Variants in MPND observed in about 807,000 individuals in gnomAD.
MPND encodes MPN domain-containing protein.
A neutral mutation model predicts 59.2 loss-of-function variants in MPND; 56 were observed. That is an observed-to-expected ratio of 0.95 (90% CI 0.76 to 1.18). MPND has a LOEUF of 1.18. Ranked by LOEUF, MPND falls within the 50% of genes most tolerant of loss-of-function variation. The pLI is 0.00. For synonymous variants in MPND, 323 were observed against 291.9 expected, an observed-to-expected ratio of 1.11 and a Z score of -1.09; for missense variants, 671 against 676.0, an observed-to-expected ratio of 0.99 and a Z score of 0.08.
intron 4 of MPND, 27 bp from the exon 5 acceptor site, chr19:4,354,018 G>A (rs763517150): frequency 3.3e-5 from 53 of 1,604,178 alleles, no homozygotes; most frequent in Middle Eastern, 1.6e-4. Context: ...GCTGGGGAGG[G>A]ACTGACCCTG....
At position 4,359,851 on chromosome 19, in the gene MPND, A is replaced by G. The variant is rs1157892265; in HGVS notation, c.1420-65A>G. The stretch of plus-strand genomic sequence containing the variant: ...TCAGGATGCTGGACTTGCACGGTGG[A>G]CTGTGAGGCGCAGGGCTGGCTAGGA... On this transcript the variant is annotated intron_variant, in intron 12 of 12. Coordinates refer to ENST00000599840, the MANE Select transcript of MPND (RefSeq NM_001300862.2). 5.3e-6 allele frequency: 7 copies of G among 1,328,212 alleles called. No individual in the cohort carries two copies. The African/African-American group carries it at 1.0e-4, about 19-fold the overall frequency. 82.3% of individuals were successfully genotyped at this position (1,328,212 alleles called of 1,614,324 possible).
chr19:4,352,842 G>GT (rs1972350267), intron 3 of MPND, 55 bp from the exon 4 acceptor site: 10 of 1,299,142 alleles, frequency 7.7e-6, no homozygotes, highest in Middle Eastern at 4.4e-4. Context: ...AGCAGGGAGC[G>GT]GGGGGGCACC....
chr19:4,350,086 G>A (rs1972281060), intron 3 of MPND, among the ~76,000 whole-genome samples: 1 of 151,048 alleles, frequency 6.6e-6, no homozygotes, highest in Non-Finnish European at 1.5e-5. Flanking sequence ...AAGGTGGTTG[G>A]GGGGGCTTCA....
intron 8 of MPND, 157 bp from the exon 9 acceptor site, chr19:4,357,096 A>C (rs750265549): frequency 4.5e-5 from 29 of 640,410 alleles, no homozygotes; most frequent in Non-Finnish European, 6.2e-5. Context: ...TCCAGCTCCC[A>C]CTGGACTCAG....
At chr19:4,358,959 C>T (rs928700418) in intron 11 of MPND, among the ~76,000 whole-genome samples, 7 of 152,172 alleles carry the variant, frequency 4.6e-5, no homozygotes, top group Non-Finnish European at 8.8e-5. Context: ...ACTTGGGCAA[C>T]GCTGCTGCCT....
chr19:4,352,850 A>C (rs1213851143), intron 3 of MPND, 47 bp from the exon 4 acceptor site: 28 of 1,303,828 alleles, frequency 2.1e-5, no homozygotes, highest in African/African-American at 1.8e-4. Flanking sequence ...GCGGGGGGGC[A>C]CCCAGCTGAG....
intron 3 of MPND, among the ~76,000 whole-genome samples, chr19:4,346,323 G>A (rs909012853): frequency 6.6e-6 from 1 of 152,202 alleles, no homozygotes; most frequent in South Asian, 2.1e-4. Flanking sequence ...AGGGACCAGA[G>A]GGGCACTGGG....
chr19:4,352,781 A>C (rs1972347791), intron 3 of MPND, 116 bp from the exon 4 acceptor site: 5 of 1,066,514 alleles, frequency 4.7e-6, no homozygotes, highest in Non-Finnish European at 4.9e-6. Flanking sequence ...TCTAGTGGTC[A>C]TGTGGGGCAA....
chr19:4,354,013 G>A (rs769430705), intron 4 of MPND, 32 bp from the exon 5 acceptor site: 160 of 1,596,928 alleles, frequency 1.0e-4, no homozygotes, highest in East Asian at 2.7e-4. Context: ...CTTGGGCTGG[G>A]GAGGGACTGA....
chr19:4,354,132 C>G lies in MPND; in HGVS notation c.749+3C>G. 6.2e-7 allele frequency: 1 copy of G among 1,608,508 alleles called. No individual in the cohort carries two copies. The highest frequency in any genetic ancestry group is 8.5e-7 in the Non-Finnish European group (1 of 1,175,460). ...CTGGGCAGCCGCGACTTGGCCAGGT[C>G]AGACTCACCCCAAGTTCTGCCCCTG... On this transcript the variant is annotated splice_donor_region_variant and intron_variant, in intron 5 of 12. Transcript: ENST00000599840.
chr19:4,346,925 G>T (rs1381509681), intron 3 of MPND, among the ~76,000 whole-genome samples: 1 of 152,002 alleles, frequency 6.6e-6, no homozygotes, highest in Non-Finnish European at 1.5e-5. Flanking sequence ...AGCTACTCGG[G>T]AGGCTGAGGC....
intron 10 of MPND, 79 bp downstream of exon 10, chr19:4,357,664 G>C: frequency 7.1e-7 from 1 of 1,402,772 alleles, no homozygotes; most frequent in Non-Finnish European, 9.7e-7. Context: ...GGGGCCCCTG[G>C]TTCCAGGCTC....
At chr19:4,359,836 G>GGACTT in intron 12 of MPND, 80 bp from the exon 13 acceptor site, 1 of 1,172,134 alleles carries the variant, frequency 8.5e-7, no homozygotes, top group Non-Finnish European at 1.2e-6. Flanking sequence ...TCAGGATGCT[G>GGACTT]GACTTGCACG....
intron 3 of MPND, among the ~76,000 whole-genome samples, chr19:4,350,406 G>A (rs988541769): frequency 7.9e-5 from 12 of 152,098 alleles, no homozygotes; most frequent in Non-Finnish European, 1.3e-4. Context: ...ATCTGACTGA[G>A]GTGCTCACAG....
intron 12 of MPND, among the ~76,000 whole-genome samples, chr19:4,359,606 G>A (rs1251620423): frequency 1.3e-5 from 2 of 152,160 alleles, no homozygotes; most frequent in African/African-American, 2.4e-5. Context: ...CTCAGCTCTC[G>A]GCTAGCTGTG....
intron 2 of MPND, among the ~76,000 whole-genome samples, chr19:4,344,528 C>G (rs1344462769): frequency 4.6e-5 from 7 of 152,148 alleles, no homozygotes; most frequent in Admixed American, 4.6e-4. Context: ...ACCAAACACC[C>G]CATCCCACAA....
At chr19:4,355,753 G>A (rs1972425097) in intron 8 of MPND, among the ~76,000 whole-genome samples, 2 of 150,410 alleles carry the variant, frequency 1.3e-5, no homozygotes. Flanking sequence ...ACAGGGGTGA[G>A]CCACCGTGCC....
chr19:4,349,941 C>G (rs1228150280), intron 3 of MPND, among the ~76,000 whole-genome samples: 1 of 152,192 alleles, frequency 6.6e-6, no homozygotes, highest in Non-Finnish European at 1.5e-5. Flanking sequence ...GCTAAGATGA[C>G]ACAGGAAACC....
chr19:4,347,597 G>A (rs1972214782), intron 3 of MPND, among the ~76,000 whole-genome samples: 2 of 152,140 alleles, frequency 1.3e-5, no homozygotes, highest in South Asian at 4.1e-4. Context: ...GCATGAAGGA[G>A]TTAACACTAG....
Sources: allele counts gnomAD v4.1 joint callset (sites outside exome capture counted in the v4.1 genomes callset), GRCh38; gene constraint gnomAD v4.1.1; transcripts MANE v1.5; gene names NCBI Gene and HGNC (gene_info 2026-07-23, HGNC 2026-07-21).